The following TBCEL variants were observed in gnomAD, a reference collection of about 807,000 sequenced individuals.
TBCEL encodes the protein tubulin folding cofactor E like, also known as tubulin-specific chaperone cofactor E-like protein.
TBCEL carries 15 observed loss-of-function variants against 44.2 expected under a neutral mutation model. The observed-to-expected ratio is 0.34, with a 90% CI of 0.23 to 0.52. The LOEUF is 0.52. Ranked by LOEUF, TBCEL falls within the 20% of genes least tolerant of loss-of-function variation. TBCEL has a pLI of 0.95. For synonymous variants in TBCEL, 171 were observed against 185.4 expected (o/e 0.92, Z 0.63); for missense variants, 319 against 506.3 (o/e 0.63, Z 3.55).
rs1946232851 is a variant in TBCEL at position 121,087,231 on chromosome 11, T to C, written c.*135T>C. On this transcript the variant is annotated 3_prime_UTR_variant, in exon 9 of 9. Coordinates refer to ENST00000683345, the MANE Select transcript of TBCEL (RefSeq NM_001363644.2). ...GTTTAGGTTTGGGAAGGATTTTGTA[T>C]ATTTTTCCCCCTGGAGTGAGTAGGG... 1 of 972,334 alleles carries C rather than the reference T, an allele frequency of 1.0e-6. No homozygotes were observed. The highest frequency in any genetic ancestry group is 1.5e-6 in the Non-Finnish European group (1 of 676,944). The allele number at this position is 972,334 out of a possible 1,614,324, so 60.2% of individuals were successfully genotyped here.
At position 121,024,151 on chromosome 11, in the gene TBCEL, C is replaced by T. The variant is rs1418902226; in HGVS notation, c.-266C>T. The stretch of plus-strand genomic sequence containing the variant: ...GGGCTCCGGCGGCCAGAGTGGGGGA[C>T]TAGGTGAAGCGGCGCCGGGCCGGGG... On this transcript the variant is annotated 5_prime_UTR_variant, in exon 1 of 9. Coordinates refer to ENST00000683345, the MANE Select transcript of TBCEL (RefSeq NM_001363644.2). 6.5e-6 allele frequency: 1 copy of T among 153,196 alleles called. No homozygotes were observed. Among genetic ancestry groups the T allele is most frequent in the Non-Finnish European group, 1.5e-5 (1 of 68,516 alleles). The allele number at this position is 153,196 out of a possible 1,614,324, so 9.5% of individuals were successfully genotyped here. A position where few individuals can be genotyped will look rare whatever the true frequency, so the allele number is the denominator to read the frequency against.
chr11:121,050,251 A>G (rs948148830), intron 4 of TBCEL, among the ~76,000 whole-genome samples: 2 of 151,714 alleles, frequency 1.3e-5, no homozygotes, highest in African/African-American at 4.8e-5. Context: ...TATAACCCAT[A>G]TATCTGATTA....
intron 8 of TBCEL, among the ~76,000 whole-genome samples, chr11:121,080,043 T>C (rs11218137): frequency 0.21 from 32,556 of 151,956 alleles, 3,565 homozygotes; most frequent in East Asian, 0.33. Flanking sequence ...TCACAAACTC[T>C]TGACCTCAGG....
chr11:121,085,316 G>A (rs1177514658), intron 8 of TBCEL, among the ~76,000 whole-genome samples: 3 of 152,160 alleles, frequency 2.0e-5, no homozygotes, highest in Non-Finnish European at 4.4e-5. Context: ...GGGATTACAG[G>A]CGTGAGCCAC....
At chr11:121,030,568 G>A (rs548237275) in intron 1 of TBCEL, among the ~76,000 whole-genome samples, 1 of 152,190 alleles carries the variant, frequency 6.6e-6, no homozygotes, top group South Asian at 2.1e-4. Context: ...TTTTGGATGT[G>A]GTATTGATAG....
chr11:121,051,346 A>G (rs1945524939), intron 4 of TBCEL, among the ~76,000 whole-genome samples: 1 of 151,814 alleles, frequency 6.6e-6, no homozygotes, highest in African/African-American at 2.4e-5. Flanking sequence ...TAAAAATAAA[A>G]TATGAGTGGT....
At chr11:121,078,719 T>C (rs940363329) in intron 8 of TBCEL, among the ~76,000 whole-genome samples, 1 of 152,216 alleles carries the variant, frequency 6.6e-6, no homozygotes, top group Non-Finnish European at 1.5e-5. Context: ...CCATCTCCTT[T>C]GCCTTGTATG....
At chr11:121,075,193 C>A (rs11604211) in intron 8 of TBCEL, among the ~76,000 whole-genome samples, 4,079 of 152,060 alleles carry the variant, frequency 0.027, 150 homozygotes, top group African/African-American at 0.078. Flanking sequence ...ATACTGGTCA[C>A]AAACATACAG....
intron 2 of TBCEL, among the ~76,000 whole-genome samples, chr11:121,041,483 A>G (rs776917195): frequency 2.6e-5 from 4 of 152,154 alleles, no homozygotes; most frequent in African/African-American, 7.2e-5. Context: ...GAAGCAAGCA[A>G]TATCACCAAA....
intron 8 of TBCEL, among the ~76,000 whole-genome samples, chr11:121,081,705 G>A (rs1202444655): frequency 6.6e-6 from 1 of 152,146 alleles, no homozygotes; most frequent in African/African-American, 2.4e-5. Context: ...TGGATATTTT[G>A]TAAAATCATG....
At chr11:121,062,081 A>T in intron 8 of TBCEL, among the ~76,000 whole-genome samples, 1 of 150,106 alleles carries the variant, frequency 6.7e-6, no homozygotes, top group South Asian at 2.1e-4. Context: ...TACTTTTTAA[A>T]TTTTTTTTTT....
At chr11:121,072,296 T>C (rs1166478046) in intron 8 of TBCEL, among the ~76,000 whole-genome samples, 1 of 152,196 alleles carries the variant, frequency 6.6e-6, no homozygotes, top group Non-Finnish European at 1.5e-5. Context: ...GTCTGAACTT[T>C]TGTTTTGGCC....
chr11:121,057,574 C>T, intron 6 of TBCEL: 1 of 454,822 alleles, frequency 2.2e-6, no homozygotes, highest in Non-Finnish European at 4.4e-6. Flanking sequence ...TTCATCCATG[C>T]ATTCAACCAA....
At chr11:121,028,236 A>G (rs979637780) in intron 1 of TBCEL, among the ~76,000 whole-genome samples, 2 of 151,792 alleles carry the variant, frequency 1.3e-5, no homozygotes, top group African/African-American at 2.4e-5. Flanking sequence ...ATAAAATAAA[A>G]TAAAGCAGAT....
chr11:121,026,178 T>C lies in TBCEL; in HGVS notation c.-126+1887T>C, dbSNP rs932091689. ...AAAGCCATAGACATATTTAAAAGCC[T>C]TACAGTCTACGGCTTTGGTATATAA... On this transcript the variant is annotated intron_variant, in intron 1 of 8. Coordinates refer to ENST00000683345, the MANE Select transcript of TBCEL (RefSeq NM_001363644.2). 4.6e-5 allele frequency among the ~76,000 whole-genome samples: 7 copies of C among 152,312 alleles called. No homozygotes were observed. The South Asian group carries it at 6.2e-4, about 14-fold the overall frequency.
intron 1 of TBCEL, among the ~76,000 whole-genome samples, chr11:121,025,346 C>G (rs1945026807): frequency 6.6e-6 from 1 of 151,888 alleles, no homozygotes; most frequent in Admixed American, 6.6e-5. Context: ...GGAAAACATT[C>G]ACTCTTTGGG....
chr11:121,050,189 C>G (rs1219546240), intron 4 of TBCEL, among the ~76,000 whole-genome samples: 1 of 151,662 alleles, frequency 6.6e-6, no homozygotes, highest in Non-Finnish European at 1.5e-5. Flanking sequence ...CTTGGCCAGG[C>G]TACAAATGCT....
chr11:121,049,489 C>T (rs1945490929), intron 4 of TBCEL, among the ~76,000 whole-genome samples: 1 of 151,726 alleles, frequency 6.6e-6, no homozygotes, highest in Admixed American at 6.6e-5. Context: ...ATGCATGTCA[C>T]CTATTTCTAA....
intron 1 of TBCEL, chr11:121,035,364 A>T (rs1654285664): frequency 2.6e-5 from 4 of 152,022 alleles, no homozygotes; most frequent in Admixed American, 2.0e-4. Context: ...CAGGATTTAC[A>T]TACCCAGGGC....
Sources: gnomAD v4.1 joint callset for allele counts (sites outside exome capture counted in the v4.1 genomes callset) on GRCh38, gnomAD v4.1.1 for gene constraint, MANE v1.5 for transcripts, NCBI Gene and HGNC (gene_info 2026-07-23, HGNC 2026-07-21) for gene names.